The following CTNND2 variants were observed in gnomAD, a reference collection of about 807,000 sequenced individuals.
The protein encoded by CTNND2 is catenin delta 2.
A neutral mutation model predicts 144.4 loss-of-function variants in CTNND2; 22 were observed. The observed-to-expected ratio is 0.15, with a 90% CI of 0.11 to 0.22. The LOEUF (loss-of-function observed/expected upper bound fraction) is 0.22. CTNND2 is among the 10% of genes least tolerant of loss of function. The pLI, the probability that CTNND2 is intolerant of heterozygous loss-of-function variation, is 1.00. For synonymous variants in CTNND2, 751 were observed against 695.6 expected, an observed-to-expected ratio of 1.08 and a Z score of -1.25; for missense variants, 1,353 against 1,618.8, an observed-to-expected ratio of 0.84 and a Z score of 2.82.
chr5:11,488,203 C>T (rs1241612566), intron 3 of CTNND2, among the ~76,000 whole-genome samples: 2 of 152,098 alleles, frequency 1.3e-5, no homozygotes, highest in African/African-American at 4.8e-5. Flanking sequence ...TCAAAAACTG[C>T]CTTTAAATTT....
chr5:11,286,638 C>T (rs572160348), intron 9 of CTNND2, among the ~76,000 whole-genome samples: 6 of 152,224 alleles, frequency 3.9e-5, no homozygotes, highest in Admixed American at 3.3e-4. Flanking sequence ...TGGGGTAATG[C>T]AGAGGGAAAC....
At chr5:11,045,376 G>A (rs1745130560) in intron 16 of CTNND2, among the ~76,000 whole-genome samples, 1 of 152,036 alleles carries the variant, frequency 6.6e-6, no homozygotes, top group Non-Finnish European at 1.5e-5. Flanking sequence ...AGAGGGAGGG[G>A]GGGAAGGTGC....
chr5:11,416,809 T>C (rs560726537), intron 3 of CTNND2, among the ~76,000 whole-genome samples: 1 of 152,302 alleles, frequency 6.6e-6, no homozygotes, highest in East Asian at 1.9e-4. Context: ...CTTTTACTGC[T>C]GAAATGCTAT....
chr5:11,129,034 A>AATATATATTATATATAAAAAT (rs1199665626), intron 12 of CTNND2, among the ~76,000 whole-genome samples: 1 of 32,944 alleles, frequency 3.0e-5, no homozygotes, highest in African/African-American at 1.1e-4. Flanking sequence ...AAAAAATATA[A>AATATATATTATATATAAAAAT]ATATATATTA....
chr5:11,297,228 T>G (rs1749117143), intron 9 of CTNND2, among the ~76,000 whole-genome samples: 1 of 152,224 alleles, frequency 6.6e-6, no homozygotes, highest in South Asian at 2.1e-4. Context: ...ATTTTTAAAT[T>G]CCATATTTCA....
intron 5 of CTNND2, among the ~76,000 whole-genome samples, chr5:11,408,145 T>C (rs1429800813): frequency 1.3e-5 from 2 of 152,148 alleles, no homozygotes; most frequent in African/African-American, 4.8e-5. Context: ...TACCACAACA[T>C]GCGCTGTTTG....
intron 16 of CTNND2, among the ~76,000 whole-genome samples, chr5:11,026,666 T>G (rs558071186): frequency 6.6e-6 from 1 of 152,268 alleles, no homozygotes; most frequent in Admixed American, 6.5e-5. Flanking sequence ...TGACTCTACC[T>G]TCTAGATTTA....
At chr5:11,710,352 C>A (rs1161329045) in intron 2 of CTNND2, among the ~76,000 whole-genome samples, 1 of 152,038 alleles carries the variant, frequency 6.6e-6, no homozygotes, top group Non-Finnish European at 1.5e-5. Flanking sequence ...ATCATCCTGG[C>A]CAACATGGTG....
At chr5:11,253,460 C>G (rs913288074) in intron 9 of CTNND2, among the ~76,000 whole-genome samples, 2 of 152,202 alleles carry the variant, frequency 1.3e-5, no homozygotes, top group Admixed American at 1.3e-4. Flanking sequence ...ATAAGTCTCA[C>G]AAGATCTGAT....
intron 9 of CTNND2, among the ~76,000 whole-genome samples, chr5:11,249,507 A>G (rs893905211): frequency 6.6e-6 from 1 of 152,182 alleles, no homozygotes; most frequent in East Asian, 1.9e-4. Flanking sequence ...TCTTATCTAG[A>G]AGGAGAAAAA....
intron 9 of CTNND2, among the ~76,000 whole-genome samples, chr5:11,271,371 T>C (rs1356616634): frequency 3.3e-5 from 5 of 152,216 alleles, no homozygotes; most frequent in Admixed American, 3.3e-4. Context: ...ATATACAATA[T>C]TAACAGTTTG....
At chr5:11,014,479 G>C (rs765303054) in intron 18 of CTNND2, among the ~76,000 whole-genome samples, 26 of 152,216 alleles carry the variant, frequency 1.7e-4, no homozygotes, top group African/African-American at 6.0e-4. Context: ...TTAAAGACTG[G>C]CTTTAAAAGG....
chr5:11,610,265 T>C (rs1411095156), intron 2 of CTNND2, among the ~76,000 whole-genome samples: 2 of 152,200 alleles, frequency 1.3e-5, no homozygotes, highest in Non-Finnish European at 2.9e-5. Flanking sequence ...CCGGTATCAA[T>C]GTCATCAAGG....
chr5:11,022,018 T>TAGTA (rs1742308947), intron 17 of CTNND2, among the ~76,000 whole-genome samples: 2 of 152,216 alleles, frequency 1.3e-5, no homozygotes, highest in African/African-American at 4.8e-5. Flanking sequence ...CAGCTGTATA[T>TAGTA]AGTAAGATAC....
rs1026719790 is a variant in CTNND2, at chr5:11,886,383, T to A, written c.37+17434A>T. 8.6e-5 allele frequency among the ~76,000 whole-genome samples: 13 copies of A among 151,956 alleles called. 1 individual carries two copies. Among genetic ancestry groups the A allele is most frequent in the Admixed American group, 7.9e-4 (12 of 15,250 alleles). On this transcript the variant is annotated intron_variant, in intron 1 of 21. Coordinates refer to ENST00000304623, the MANE Select transcript of CTNND2 (RefSeq NM_001332.4). ...GACATTACAACTGATACCACAGAAA[T>A]ACAAAGGGTCATTCAAGACTACTAT... is the stretch of plus-strand genomic sequence containing the variant.
rs551555275 is a variant in CTNND2, at chr5:11,894,342, G to C, written c.37+9475C>G. Among the ~76,000 whole-genome samples, 18 of 152,274 alleles carry C rather than the reference G, an allele frequency of 1.2e-4. No individual in the cohort carries two copies. The South Asian group carries it at 3.5e-3, about 30-fold the overall frequency. ...ACAAGAAACTTTTTGGGCCAATTTT[G>C]TATAACTTACAATATTTGAAGTGGT... On this transcript the variant is annotated intron_variant, in intron 1 of 21. Coordinates refer to ENST00000304623, the MANE Select transcript of CTNND2 (RefSeq NM_001332.4).
At chr5:11,288,782 A>G (rs1241611844) in intron 9 of CTNND2, among the ~76,000 whole-genome samples, 1 of 151,804 alleles carries the variant, frequency 6.6e-6, no homozygotes, top group Non-Finnish European at 1.5e-5. Context: ...TTTCAGGCTG[A>G]TTATATGAGA....
intron 7 of CTNND2, among the ~76,000 whole-genome samples, chr5:11,379,000 T>C (rs1317460532): frequency 6.6e-6 from 1 of 152,124 alleles, no homozygotes; most frequent in African/African-American, 2.4e-5. Context: ...TGGTTAAGAG[T>C]CTCCACTTCA....
At chr5:11,538,325 C>A (rs1425549153) in intron 3 of CTNND2, among the ~76,000 whole-genome samples, 3 of 152,138 alleles carry the variant, frequency 2.0e-5, no homozygotes, top group African/African-American at 7.2e-5. Context: ...CCAACCTCTG[C>A]TTGTTGTGGA....
Sources: gnomAD v4.1 joint callset for allele counts (sites outside exome capture counted in the v4.1 genomes callset) on GRCh38, gnomAD v4.1.1 for gene constraint, MANE v1.5 for transcripts, NCBI Gene and HGNC (gene_info 2026-07-23, HGNC 2026-07-21) for gene names.